Variants in MAPK3 observed in about 807,000 individuals in gnomAD.
MAPK3 encodes the protein mitogen-activated protein kinase 3.
In MAPK3, 30 loss-of-function variants were observed where a neutral mutation model predicts 41.8. The ratio of observed to expected loss-of-function variants is 0.72; its 90% CI spans 0.54 to 0.97. The LOEUF is 0.97. MAPK3 is among the 50% of genes least tolerant of loss of function. The probability of loss-of-function intolerance (pLI) is 0.00; values close to 1 mark genes in which losing one functional copy is unlikely to be tolerated. For missense variants in MAPK3, 413 were observed against 509.9 expected (o/e 0.81, Z 1.83); for synonymous variants, 222 against 213.4 (o/e 1.04, Z -0.35).
At chr16:30,122,345 GA>G (rs2073025017) in intron 1 of MAPK3, 1 of 383,502 alleles carries the variant, frequency 2.6e-6, no homozygotes, top group Non-Finnish European at 4.9e-6. Context: ...CGGGGGTGCA[GA>G]TGCTGGGGAC....
intron 8 of MAPK3, among the ~76,000 whole-genome samples, chr16:30,116,214 T>A (rs2072952959): frequency 6.6e-6 from 1 of 151,210 alleles, no homozygotes; most frequent in Non-Finnish European, 1.5e-5. Flanking sequence ...TTTGTATTTT[T>A]AGTAGAGACA....
rs1024996900 is a variant in MAPK3 at position 30,123,044 on chromosome 16, C to T, written c.166G>A (p.Val56Ile). The T allele has an allele frequency of 4.5e-6, 7 of 1,557,910 alleles. No individual in the cohort carries two copies. Among genetic ancestry groups the T allele is most frequent in the Non-Finnish European group, 6.1e-6 (7 of 1,152,942 alleles). ...QYIGEGAYGM[V>I]SSAYDHVRKT... ...TCCCCCGGAACGCCCCCTCACCTGA[C>T]CATGCCGTACGCGCCCTCGCCGATG... Residue 56 changes from valine (V) to isoleucine (I), a missense_variant, in exon 1 of 9, where the codon GTC (valine) becomes ATC (isoleucine). By Grantham distance (29) the Val-to-Ile change is conservative (BLOSUM62 3). This residue lies in a region of MAPK3 where 145 missense variants were observed against 133.0 expected (regional missense o/e 1.09). Coordinates refer to ENST00000263025, the MANE Select transcript of MAPK3 (RefSeq NM_002746.3).
chr16:30,116,853 T>TCCCCTGCC (rs770105336), intron 7 of MAPK3, 41 bp downstream of exon 7: 45 of 1,613,098 alleles, frequency 2.8e-5, no homozygotes, highest in Admixed American at 5.0e-5. Flanking sequence ...GCCCCCCTGC[T>TCCCCTGCC]CCCCTGCCCC....
chr16:30,117,446 T>C (rs2072968318), intron 5 of MAPK3, among the ~76,000 whole-genome samples, 161 bp from the exon 6 acceptor site: 1 of 152,132 alleles, frequency 6.6e-6, no homozygotes, highest in Non-Finnish European at 1.5e-5. Flanking sequence ...GGGGCTGGGT[T>C]CAGGCAGACC....
chr16:30,118,071 G>C lies in MAPK3; in HGVS notation c.636C>G (p.Ala212=), dbSNP rs760614132. The change falls in exon 4 of 9, where the codon GCC becomes GCG. Residue 212 remains alanine (A), a synonymous_variant. Transcript: ENST00000263025. ...CCTTGGAGTTCAGCATGATCTCTGG[G>C]GCCCGGTACCAGCGCGTAGCCACAT... ...TEYVATRWYR[A]PEIMLNSKGY... is the part of the protein sequence containing the mutation. 1 of 1,614,098 alleles carries C rather than the reference G, an allele frequency of 6.2e-7. No homozygotes were observed. Among genetic ancestry groups the C allele is most frequent in the South Asian group, 1.1e-5 (1 of 91,080 alleles).
At chr16:30,114,956 G>A (rs1454265009) in intron 8 of MAPK3, among the ~76,000 whole-genome samples, 1 of 151,938 alleles carries the variant, frequency 6.6e-6, no homozygotes, top group African/African-American at 2.4e-5. Context: ...GAACTGTCTC[G>A]GCCGGGCACA....
intron 4 of MAPK3, 125 bp downstream of exon 4, chr16:30,117,917 CTTCCT>C: frequency 9.1e-7 from 1 of 1,101,542 alleles, no homozygotes; most frequent in Non-Finnish European, 1.4e-6. Context: ...CAATGCTCAG[CTTCCT>C]TGCAGAGCCC....
chr16:30,122,951 A>C (rs557646784), intron 1 of MAPK3, 89 bp downstream of exon 1: 124 of 1,163,590 alleles, frequency 1.1e-4, no homozygotes, highest in Non-Finnish European at 1.3e-4. Context: ...CCGCGTCTCC[A>C]CGTCCCGGAA....
At position 30,123,172 on chromosome 16, in the gene MAPK3, T is replaced by TGCCCCC; in HGVS notation, c.37_38insGGGGGC (p.Glu13delinsGlyGlyGln). The TGCCCCC allele has an allele frequency of 2.3e-6, 3 of 1,322,436 alleles. No individual in the cohort carries two copies. The highest frequency in any genetic ancestry group is 1.0e-6 in the Non-Finnish European group (1 of 991,938). The allele number at this position is 1,322,436 out of a possible 1,614,324, so 81.9% of individuals were successfully genotyped here. A position where few individuals can be genotyped will look rare whatever the true frequency, so the allele number is the denominator to read the frequency against. ...GCCGACCCCCTCGGTTCTACGGGGC[T>TGCCCCC]CCCCGCCCCCGCCCCCCTGAGCCGC... On this transcript the variant is annotated protein_altering_variant, in exon 1 of 9. Transcript: ENST00000263025.
rs61764215 is a variant in MAPK3 at position 30,118,283 on chromosome 16, T to G, written c.543+66A>C. 1.5e-3 allele frequency: 2,294 copies of G among 1,578,064 alleles called. 27 individuals are homozygous for G. The African/African-American group carries it at 0.026, about 18-fold the overall frequency. On this transcript the variant is annotated intron_variant, in intron 3 of 8. Transcript: ENST00000263025. The stretch of plus-strand genomic sequence containing the variant: ...TTGCAATGTTCTCCTGCCCAAGGCT[T>G]CTTCTACTGGTCACTGGAAGCCCCA...
intron 1 of MAPK3, 118 bp from the exon 2 acceptor site, chr16:30,122,124 C>A: frequency 1.1e-6 from 1 of 924,770 alleles, no homozygotes; most frequent in Non-Finnish European, 1.7e-6. Flanking sequence ...CTGGTCAAAT[C>A]ATAAACAATG....
intron 3 of MAPK3, 56 bp downstream of exon 3, chr16:30,118,293 G>A (rs1476919805): frequency 5.7e-6 from 9 of 1,581,366 alleles, no homozygotes; most frequent in Non-Finnish European, 7.8e-6. Context: ...TCTTCTACTG[G>A]TCACTGGAAG....
In MAPK3 at chr16:30,116,163, T is replaced by C. The variant is rs927586804; in HGVS notation, c.*32+473A>G. On this transcript the variant is annotated intron_variant, in intron 8 of 8. Transcript: ENST00000263025. ...AGTCCTCCCACCACAGCCTCCTGAG[T>C]AGCTGGGACTAGAAGCGCATGCCTA... 2.0e-5 allele frequency among the ~76,000 whole-genome samples: 3 copies of C among 150,166 alleles called. No homozygotes were observed. In the Admixed American group the frequency reaches 2.0e-4, roughly 10 times the overall value.
chr16:30,122,956 C>T (rs576023757), intron 1 of MAPK3, 84 bp downstream of exon 1: 86 of 1,229,278 alleles, frequency 7.0e-5, no homozygotes, highest in Non-Finnish European at 7.4e-5. Flanking sequence ...TCTCCACGTC[C>T]CGGAAAGCGC....
At position 30,123,139 on chromosome 16, in the gene MAPK3, AC is replaced by A. The variant is rs1338865633; in HGVS notation, c.70del (p.Val24SerfsTer8). The A allele has an allele frequency of 1.3e-6, 2 of 1,497,504 alleles. No homozygotes were observed. The highest frequency in any genetic ancestry group is 2.7e-5 in the East Asian group (1 of 36,402). 92.8% of individuals were successfully genotyped at this position (1,497,504 alleles called of 1,614,324 possible). A position where few individuals can be genotyped will look rare whatever the true frequency, so the allele number is the denominator to read the frequency against. On this transcript the variant is annotated frameshift_variant, in exon 1 of 9. Transcript: ENST00000263025. LOFTEE classifies it high-confidence loss of function. ...CTTCACCATCTCCACCTCCCCCGGG[AC>A]CCCCGGGCCGACCCCCTCGGTTCTA... ...PRRTEGVGPG[V>X]PGEVEMVKGQ...
At position 30,122,026 on chromosome 16, in the gene MAPK3, G is replaced by T. The variant is rs1191476421; in HGVS notation, c.171-20C>A. ...GCCGAGCTGAGGGGACCGGAGAGAGGCTGCTGCTGTGGCCTTACAAAGGGG... is the reference window on the plus strand; with the variant it reads ...GCCGAGCTGAGGGGACCGGAGAGAGTCTGCTGCTGTGGCCTTACAAAGGGG... On this transcript the variant is annotated intron_variant, in intron 1 of 8. Transcript: ENST00000263025. The T allele has an allele frequency of 1.2e-6, 2 of 1,613,354 alleles. No individual in the cohort carries two copies. The highest frequency in any genetic ancestry group is 8.5e-7 in the Non-Finnish European group (1 of 1,179,886).
intron 8 of MAPK3, 141 bp downstream of exon 8, chr16:30,116,495 G>A: frequency 1.0e-6 from 1 of 977,900 alleles, no homozygotes; most frequent in South Asian, 1.6e-5. Flanking sequence ...GGGCACTTCT[G>A]TTGTCACCAG....
chr16:30,119,359 C>T (rs1489747052), intron 2 of MAPK3, among the ~76,000 whole-genome samples: 3 of 151,852 alleles, frequency 2.0e-5, no homozygotes, highest in Non-Finnish European at 4.4e-5. Flanking sequence ...GCTCTGTTGC[C>T]CAGGCAGGTC....
intron 2 of MAPK3, among the ~76,000 whole-genome samples, chr16:30,119,977 T>G (rs2151046703): frequency 6.6e-6 from 1 of 152,266 alleles, no homozygotes; most frequent in South Asian, 2.1e-4. Context: ...GACGCCAGCC[T>G]GGTGAACAGG....
Sources: allele counts gnomAD v4.1 joint callset (sites outside exome capture counted in the v4.1 genomes callset), GRCh38; gene constraint gnomAD v4.1.1; regional missense constraint gnomAD v4.1.1; transcripts MANE v1.5; gene names NCBI Gene and HGNC (gene_info 2026-07-23, HGNC 2026-07-21).